CCSER1: variants seen among roughly 807,000 people sequenced by gnomAD.
CCSER1 encodes the protein coiled-coil serine rich protein 1.
A neutral mutation model predicts 82.0 loss-of-function variants in CCSER1; 41 were observed. The observed-to-expected ratio is 0.50, with a 90% CI of 0.39 to 0.65. The LOEUF (loss-of-function observed/expected upper bound fraction) is 0.65, where lower values mean the gene tolerates loss of function less well. Ranked by LOEUF, CCSER1 falls within the 30% of genes least tolerant of loss-of-function variation. The probability of loss-of-function intolerance (pLI) is 0.00; values close to 1 mark genes in which losing one functional copy is unlikely to be tolerated. For missense variants in CCSER1, 1,119 were observed against 1,064.2 expected (o/e 1.05, Z -0.72); for synonymous variants, 414 against 383.9 (o/e 1.08, Z -0.92).
At chr4:91,433,059 T>A (rs923206900) in intron 10 of CCSER1, among the ~76,000 whole-genome samples, 1 of 152,176 alleles carries the variant, frequency 6.6e-6, no homozygotes, top group South Asian at 2.1e-4. Flanking sequence ...AAATAAGTGA[T>A]ATAATAATAT....
intron 10 of CCSER1, among the ~76,000 whole-genome samples, chr4:91,372,224 C>T (rs960198786): frequency 7.9e-5 from 12 of 152,126 alleles, no homozygotes; most frequent in African/African-American, 2.9e-4. Context: ...TGTCACACTG[C>T]TCCTACTTGG....
chr4:90,605,085 A>G (rs1159404377), intron 5 of CCSER1, among the ~76,000 whole-genome samples: 1 of 152,210 alleles, frequency 6.6e-6, no homozygotes, highest in African/African-American at 2.4e-5. Flanking sequence ...AGCCGCCTTT[A>G]TGAGCTGTAA....
intron 8 of CCSER1, among the ~76,000 whole-genome samples, chr4:90,894,919 A>G (rs1273605203): frequency 2.0e-5 from 3 of 152,040 alleles, no homozygotes; most frequent in Non-Finnish European, 4.4e-5. Context: ...TTTTAAAATT[A>G]GATTAAAATA....
Position 90,932,984 on chromosome 4 carries a change from G to A in CCSER1, c.2172+9537G>A, listed in dbSNP as rs374979185. ...AAAGAAAGAAAGAAAGAAAGAAAGA[G>A]AAAGAAAGAAAGAAAGAAAGAAAGA... On this transcript the variant is annotated intron_variant, in intron 9 of 10. Coordinates refer to ENST00000509176, the MANE Select transcript of CCSER1 (RefSeq NM_001145065.2). Among the ~76,000 whole-genome samples, 94 of 20,472 alleles carry A rather than the reference G, an allele frequency of 4.6e-3. 12 individuals carry two copies. Among genetic ancestry groups the A allele is most frequent in the East Asian group, 0.013 (17 of 1,314 alleles). 13.4% of individuals were successfully genotyped at this position (20,472 alleles called of 152,430 possible). A position where few individuals can be genotyped will look rare whatever the true frequency, so the allele number is the denominator to read the frequency against.
intron 9 of CCSER1, among the ~76,000 whole-genome samples, chr4:91,058,315 AAAC>A (rs550344675): frequency 7.5e-4 from 114 of 152,206 alleles, no homozygotes; most frequent in East Asian, 7.2e-3. Context: ...CAGCTTTAAA[AAAC>A]AACAAGATAA....
intron 5 of CCSER1, among the ~76,000 whole-genome samples, chr4:90,566,442 A>G (rs999615397): frequency 9.9e-5 from 15 of 151,570 alleles, no homozygotes; most frequent in Non-Finnish European, 2.1e-4. Flanking sequence ...TAAAAAAAAA[A>G]AGTAGCTAAG....
At chr4:90,386,429 G>T (rs907027663) in intron 3 of CCSER1, among the ~76,000 whole-genome samples, 5 of 150,220 alleles carry the variant, frequency 3.3e-5, no homozygotes, top group South Asian at 2.1e-4. Flanking sequence ...ATGGTGCTGG[G>T]ACAATTGGAG....
intron 10 of CCSER1, among the ~76,000 whole-genome samples, chr4:91,413,447 G>A (rs1264180611): frequency 6.6e-6 from 1 of 151,496 alleles, no homozygotes; most frequent in Non-Finnish European, 1.5e-5. Context: ...GTGACAGAGT[G>A]AGACCATGTC....
chr4:90,549,604 T>C (rs1777209277), intron 5 of CCSER1, among the ~76,000 whole-genome samples: 1 of 152,078 alleles, frequency 6.6e-6, no homozygotes, highest in Admixed American at 6.6e-5. Context: ...TAGAACACAT[T>C]TGGATATCAC....
rs1338053424 is a variant in CCSER1 at position 90,436,922 on chromosome 4, TCAGCCTCCCGAGTAGCTGGGACTA to T, written c.1604-31298_1604-31275del. Among the ~76,000 whole-genome samples, 10 of 151,962 alleles carry T rather than the reference TCAGCCTCCCGAGTAGCTGGGACTA, an allele frequency of 6.6e-5. No homozygotes were observed. In the East Asian group the frequency reaches 1.6e-3, roughly 24 times the overall value. On this transcript the variant is annotated intron_variant, in intron 4 of 10. Coordinates refer to ENST00000509176, the MANE Select transcript of CCSER1 (RefSeq NM_001145065.2). ...CCCGGGTTCACGCCATTCTCCTGCC[TCAGCCTCCCGAGTAGCTGGGACTA>T]CAGCCTCCCGAGTGCTGGCACCCGC...
At chr4:90,725,814 C>T (rs1561023008) in intron 7 of CCSER1, among the ~76,000 whole-genome samples, 1 of 151,690 alleles carries the variant, frequency 6.6e-6, no homozygotes, top group African/African-American at 2.4e-5. Flanking sequence ...TTTCTTATAA[C>T]CACATTCTGA....
intron 10 of CCSER1, among the ~76,000 whole-genome samples, chr4:91,367,916 T>G (rs1416791010): frequency 1.3e-5 from 2 of 152,240 alleles, no homozygotes; most frequent in Non-Finnish European, 2.9e-5. Context: ...TTTATTATAC[T>G]TTCAGGAAAT....
In CCSER1 at chr4:91,357,887, C is replaced by CT. The variant is rs77874106; in HGVS notation, c.2218-240669dup. Among the ~76,000 whole-genome samples the CT allele has an allele frequency of 4.0e-3, 223 of 55,108 alleles. 1 individual carries two copies. Among genetic ancestry groups the CT allele is most frequent in the African/African-American group, 9.8e-3 (143 of 14,660 alleles). The allele number at this position is 55,108 out of a possible 152,430, so 36.2% of individuals were successfully genotyped here. On this transcript the variant is annotated intron_variant, in intron 10 of 10. Transcript: ENST00000509176. Reference sequence around the variant, plus strand: ...CCTAAATTCTGCCTGCCCCCCCCCCCTTTTTTTTTTTTTTTTGAAGATAAC... The same window carrying CT: ...CCTAAATTCTGCCTGCCCCCCCCCCCTTTTTTTTTTTTTTTTTGAAGATAAC...
Position 90,309,125 on chromosome 4 carries a change from G to C in CCSER1, c.841G>C (p.Ala281Pro), listed in dbSNP as rs1444807764. The change falls in exon 2 of 11, where the codon GCA becomes CCA. Residue 281 changes from alanine to proline, a missense_variant. Coordinates refer to ENST00000509176, the MANE Select transcript of CCSER1 (RefSeq NM_001145065.2). ...MDAFSKSGSM[A>P]SHCDNFGHND... ...TGCATTTTCTAAAAGTGGAAGCATG[G>C]CATCCCACTGTGACAACTTTGGCCA... The C allele has an allele frequency of 6.2e-7, 1 of 1,613,850 alleles. No homozygotes were observed. Among genetic ancestry groups the C allele is most frequent in the Admixed American group, 1.7e-5 (1 of 59,996 alleles).
chr4:90,335,143 GA>G (rs1337548467), intron 3 of CCSER1, among the ~76,000 whole-genome samples: 1 of 152,164 alleles, frequency 6.6e-6, no homozygotes, highest in Non-Finnish European at 1.5e-5. Context: ...TTTTCTAAAA[GA>G]CACTGGACAT....
At chr4:90,672,625 T>C (rs1166960696) in intron 6 of CCSER1, among the ~76,000 whole-genome samples, 1 of 152,060 alleles carries the variant, frequency 6.6e-6, no homozygotes, top group Non-Finnish European at 1.5e-5. Context: ...TTTTCTTTGC[T>C]TTCACAACTT....
chr4:90,937,443 AAC>A (rs1731079223), intron 9 of CCSER1, among the ~76,000 whole-genome samples: 1 of 150,786 alleles, frequency 6.6e-6, no homozygotes, highest in African/African-American at 2.4e-5. Context: ...AATAAATGCA[AAC>A]ACACAGCTTA....
intron 10 of CCSER1, among the ~76,000 whole-genome samples, chr4:91,363,390 TGA>T (rs72273996): frequency 0.044 from 5,226 of 119,900 alleles, 193 homozygotes; most frequent in African/African-American, 0.18. Flanking sequence ...TGTGTGTGTG[TGA>T]GACAAAAATA....
At chr4:91,209,871 C>T (rs1736666912) in intron 10 of CCSER1, among the ~76,000 whole-genome samples, 1 of 151,352 alleles carries the variant, frequency 6.6e-6, no homozygotes, top group African/African-American at 2.4e-5. Flanking sequence ...ATACACATAC[C>T]TACATACATA....
Sources: gnomAD v4.1 joint callset for allele counts (sites outside exome capture counted in the v4.1 genomes callset) on GRCh38, gnomAD v4.1.1 for gene constraint, MANE v1.5 for transcripts, NCBI Gene and HGNC (gene_info 2026-07-23, HGNC 2026-07-21) for gene names.